HFM1: variants seen among roughly 807,000 people sequenced by gnomAD.
HFM1 encodes helicase for meiosis 1.
HFM1 carries 169 observed loss-of-function variants against 192.1 expected under a neutral mutation model. The ratio of observed to expected loss-of-function variants is 0.88; its 90% CI spans 0.78 to 1.00. The LOEUF is 1.00. HFM1 is among the 50% of genes least tolerant of loss of function. The pLI, the probability that HFM1 is intolerant of heterozygous loss-of-function variation, is 0.00. For missense variants in HFM1, 1,661 were observed against 1,668.0 expected, an observed-to-expected ratio of 1.00 and a Z score of 0.07; for synonymous variants, 525 against 537.8, an observed-to-expected ratio of 0.98 and a Z score of 0.33.
chr1:91,319,092 T>TG lies in HFM1; in HGVS notation c.2797dup (p.Gln933ProfsTer22). On this transcript the variant is annotated frameshift_variant, in exon 25 of 39. Transcript: ENST00000370425. LOFTEE classifies it high-confidence loss of function. ...TCAGTACCTACCAATTTTTTCCAGTTGTTTGGATACATGCAGAGAGTTTTC... is the reference window on the plus strand; with the variant it reads ...TCAGTACCTACCAATTTTTTCCAGTTGGTTTGGATACATGCAGAGAGTTTTC... 6.3e-7 allele frequency: 1 copy of TG among 1,596,446 alleles called. No homozygotes were observed. Among genetic ancestry groups the TG allele is most frequent in the Non-Finnish European group, 8.5e-7 (1 of 1,175,514 alleles).
At chr1:91,343,643 G>A (rs1655708938) in intron 19 of HFM1, 133 bp from the exon 20 acceptor site, 1 of 395,836 alleles carries the variant, frequency 2.5e-6, no homozygotes, top group Non-Finnish European at 4.6e-6. Context: ...CCCTACTTAA[G>A]CAGTAAGAGA....
chr1:91,352,473 T>C, intron 16 of HFM1, 33 bp downstream of exon 16: 1 of 1,509,354 alleles, frequency 6.6e-7, no homozygotes, highest in Non-Finnish European at 8.9e-7. Context: ...TATCATGTTT[T>C]TAAGTATAAA....
intron 18 of HFM1, among the ~76,000 whole-genome samples, chr1:91,348,798 C>T (rs1350169798): frequency 6.6e-6 from 1 of 151,824 alleles, no homozygotes; most frequent in East Asian, 1.9e-4. Context: ...CTGGCATGTG[C>T]CTGTAGTACC....
intron 16 of HFM1, 106 bp from the exon 17 acceptor site, chr1:91,351,749 G>A (rs1656968840): frequency 2.1e-6 from 1 of 482,644 alleles, no homozygotes; most frequent in African/African-American, 2.0e-5. Flanking sequence ...CTCCTTGTCT[G>A]AAATAATACT....
Position 91,323,182 on chromosome 1 carries a change from G to C in HFM1, c.2445C>G (p.Gly815=). ...ACTGTATATCTAGAAATTCCTTGCA[G>C]CCAGCTATCAATGTAACCTATAACA... The part of the protein sequence containing the change: ...TLSDLVTLIA[G]CKEFLDIQLR... The change falls in exon 22 of 39, where the codon GGC becomes GGG. Residue 815 remains glycine, a synonymous_variant. Coordinates refer to ENST00000370425, the MANE Select transcript of HFM1 (RefSeq NM_001017975.6). 1 of 1,566,262 alleles carries C rather than the reference G, an allele frequency of 6.4e-7. No homozygotes were observed. Among genetic ancestry groups the C allele is most frequent in the Non-Finnish European group, 8.8e-7 (1 of 1,141,050 alleles).
intron 18 of HFM1, among the ~76,000 whole-genome samples, chr1:91,348,076 T>C (rs1421861847): frequency 2.0e-5 from 3 of 152,162 alleles, no homozygotes; most frequent in African/African-American, 7.2e-5. Flanking sequence ...TGAGGGAACA[T>C]CTAGAAAATG....
At chr1:91,364,965 T>C (rs1213218006) in intron 13 of HFM1, among the ~76,000 whole-genome samples, 1 of 151,664 alleles carries the variant, frequency 6.6e-6, no homozygotes, top group South Asian at 2.1e-4. Context: ...TACACACACA[T>C]ACACACACAC....
At chr1:91,323,485 C>A (rs1362218727) in intron 21 of HFM1, among the ~76,000 whole-genome samples, 1 of 152,120 alleles carries the variant, frequency 6.6e-6, no homozygotes, top group East Asian at 1.9e-4. Context: ...ATATCTAGCC[C>A]AGTGCCTATC....
upstream of HFM1, among the ~76,000 whole-genome samples, chr1:91,406,171 A>G (rs1246058125): frequency 6.6e-6 from 1 of 152,236 alleles, no homozygotes; most frequent in Non-Finnish European, 1.5e-5. Context: ...CAAGCCAGGA[A>G]GGAGGCCCTC....
At chr1:91,359,665 C>A (rs571505060) in intron 13 of HFM1, among the ~76,000 whole-genome samples, 1 of 151,698 alleles carries the variant, frequency 6.6e-6, no homozygotes, top group East Asian at 1.9e-4. Context: ...CTGAAAGAAA[C>A]AGGGAGAACA....
intron 4 of HFM1, among the ~76,000 whole-genome samples, chr1:91,391,719 A>G (rs1009083796): frequency 6.6e-6 from 1 of 152,238 alleles, no homozygotes; most frequent in African/African-American, 2.4e-5. Flanking sequence ...AAACACCAAA[A>G]GCAACGGCAA....
At position 91,319,386 on chromosome 1, in the gene HFM1, T is replaced by A; in HGVS notation, c.2587A>T (p.Ile863Phe). The change falls in exon 24 of 39, where the codon ATT becomes TTT. Residue 863 changes from isoleucine (I) to phenylalanine (F), a missense_variant. Physicochemically the swap from Ile to Phe is conservative, Grantham distance 21. Transcript: ENST00000370425. ...KTREMKVNCL[I>F]QAQLGCIPIQ... Reference sequence around the variant, plus strand: ...GGAATGCATCCTAGTTGAGCCTGAATAAGACTGGGGGAAAGAAAAAAAATT... The same window carrying A: ...GGAATGCATCCTAGTTGAGCCTGAAAAAGACTGGGGGAAAGAAAAAAAATT... The A allele has an allele frequency of 6.2e-7, 1 of 1,607,794 alleles. No homozygotes were observed. Among genetic ancestry groups the A allele is most frequent in the Non-Finnish European group, 8.5e-7 (1 of 1,174,316 alleles).
chr1:91,358,115 C>T (rs937923353), intron 13 of HFM1, among the ~76,000 whole-genome samples: 6 of 151,816 alleles, frequency 4.0e-5, no homozygotes, highest in East Asian at 1.9e-4. Flanking sequence ...TTTGGGATGC[C>T]GAGATGGGTG....
Position 91,313,482 on chromosome 1 carries a change from A to G in HFM1, c.3258T>C (p.Ile1086=). ...LISSEFVGLD[I]QQKLTVFYLE... is the part of the protein sequence containing the mutation. ...AGTAAAAGACTGTAAGTTTCTGCTG[A>G]ATATCAAGCCCAACTGGAAAATGAA... Residue 1086 remains isoleucine, a synonymous_variant, in exon 30 of 39, where the codon ATT becomes ATC. Coordinates refer to ENST00000370425, the MANE Select transcript of HFM1 (RefSeq NM_001017975.6). 6.3e-7 allele frequency: 1 copy of G among 1,583,654 alleles called. No homozygotes were observed. The highest frequency in any genetic ancestry group is 8.6e-7 in the Non-Finnish European group (1 of 1,166,414).
chr1:91,303,792 G>A (rs190582288), intron 30 of HFM1, among the ~76,000 whole-genome samples: 41 of 152,282 alleles, frequency 2.7e-4, no homozygotes, highest in African/African-American at 9.1e-4. Context: ...TATGTGTGTT[G>A]ACCATTTGTA....
intron 19 of HFM1, among the ~76,000 whole-genome samples, chr1:91,347,110 T>A (rs1204690602): frequency 2.6e-5 from 4 of 151,620 alleles, no homozygotes; most frequent in African/African-American, 4.8e-5. Flanking sequence ...CTGTCTCTTT[T>A]AAAAAAAAGA....
At chr1:91,350,622 CT>C in intron 18 of HFM1, 115 bp downstream of exon 18, 1 of 878,644 alleles carries the variant, frequency 1.1e-6, no homozygotes, top group East Asian at 2.9e-5. Flanking sequence ...CTGTTGTTAC[CT>C]TTTGTTTTGT....
At chr1:91,328,703 G>A (rs538002491) in intron 20 of HFM1, 2 of 1,604,050 alleles carry the variant, frequency 1.2e-6, no homozygotes, top group South Asian at 1.1e-5. Context: ...GGCTGAGGCA[G>A]AGAAGCAGCT....
chr1:91,320,908 A>G (rs549961736), intron 23 of HFM1, among the ~76,000 whole-genome samples: 2 of 152,298 alleles, frequency 1.3e-5, no homozygotes, highest in Non-Finnish European at 2.9e-5. Flanking sequence ...ATTAAATGAG[A>G]TAAAGTATTG....
Sources: gnomAD v4.1 joint callset for allele counts (sites outside exome capture counted in the v4.1 genomes callset) on GRCh38, gnomAD v4.1.1 for gene constraint, MANE v1.5 for transcripts, NCBI Gene and HGNC (gene_info 2026-07-23, HGNC 2026-07-21) for gene names.